The following MAN2A1 variants were observed in gnomAD, a reference collection of about 807,000 sequenced individuals.
MAN2A1 encodes the protein mannosidase alpha class 2A member 1, also known as alpha-mannosidase 2.
In MAN2A1, 76 loss-of-function variants were observed where a neutral mutation model predicts 142.6. That is an observed-to-expected ratio of 0.53 (90% CI 0.44 to 0.65). The LOEUF (loss-of-function observed/expected upper bound fraction) is 0.65, where lower values mean the gene tolerates loss of function less well. MAN2A1 is among the 30% of genes least tolerant of loss of function. The pLI, the probability that MAN2A1 is intolerant of heterozygous loss-of-function variation, is 0.00. For synonymous variants in MAN2A1, 559 were observed against 473.2 expected (o/e 1.18, Z -2.35); for missense variants, 1,311 against 1,365.1 (o/e 0.96, Z 0.62).
intron 1 of MAN2A1, among the ~76,000 whole-genome samples, chr5:109,698,056 A>G (rs1750864594): frequency 6.6e-6 from 1 of 152,216 alleles, no homozygotes; most frequent in Admixed American, 6.5e-5. Flanking sequence ...ACTAGGCAAA[A>G]TTGATCCATA....
chr5:109,804,053 A>G, intron 12 of MAN2A1: 1 of 422,632 alleles, frequency 2.4e-6, no homozygotes. Context: ...CATAAAGCTA[A>G]TTATTAACCC....
At chr5:109,747,361 A>G (rs1752435177) in intron 4 of MAN2A1, among the ~76,000 whole-genome samples, 1 of 152,144 alleles carries the variant, frequency 6.6e-6, no homozygotes, top group Admixed American at 6.6e-5. Context: ...TTTTTATGTC[A>G]TGCTTTTTTG....
At chr5:109,807,864 T>C (rs1160676166) in intron 12 of MAN2A1, among the ~76,000 whole-genome samples, 1 of 152,222 alleles carries the variant, frequency 6.6e-6, no homozygotes, top group African/African-American at 2.4e-5. Flanking sequence ...TCTTCACCTT[T>C]CCTGCCTAAG....
intron 4 of MAN2A1, among the ~76,000 whole-genome samples, chr5:109,738,335 A>C (rs866452237): frequency 6.6e-6 from 1 of 151,678 alleles, no homozygotes; most frequent in Middle Eastern, 3.4e-3. Context: ...ACTATGGGAC[A>C]GGGACTGCAA....
rs1182126103 is a variant in MAN2A1 at position 109,867,582 on chromosome 5, TCCTAC to T, written c.*588_*592del. The T allele has an allele frequency of 6.6e-6, 1 of 152,608 alleles. No homozygotes were observed. The highest frequency in any genetic ancestry group is 2.4e-5 in the African/African-American group (1 of 41,460). 9.5% of individuals were successfully genotyped at this position (152,608 alleles called of 1,614,324 possible). Reference sequence around the variant, plus strand: ...GTACCTCTTGACCTTCTCCTTCCCTTCCTACCCTTTCTAAGTATTTCCAGAAATAC... The same window carrying T: ...GTACCTCTTGACCTTCTCCTTCCCTTCCTTTCTAAGTATTTCCAGAAATAC... On this transcript the variant is annotated 3_prime_UTR_variant, in exon 22 of 22. Coordinates refer to ENST00000261483, the MANE Select transcript of MAN2A1 (RefSeq NM_002372.4).
At chr5:109,738,333 A>G (rs1752167691) in intron 4 of MAN2A1, among the ~76,000 whole-genome samples, 1 of 150,710 alleles carries the variant, frequency 6.6e-6, no homozygotes. Context: ...CTACTATGGG[A>G]CAGGGACTGC....
At chr5:109,720,242 C>T (rs975887380) in intron 3 of MAN2A1, among the ~76,000 whole-genome samples, 4 of 152,100 alleles carry the variant, frequency 2.6e-5, no homozygotes, top group Non-Finnish European at 4.4e-5. Flanking sequence ...AGAAAATAAT[C>T]CCCCTTGTGG....
chr5:109,862,062 T>C (rs1216670614), intron 20 of MAN2A1, among the ~76,000 whole-genome samples: 1 of 152,198 alleles, frequency 6.6e-6, no homozygotes, highest in African/African-American at 2.4e-5. Context: ...GTACAGGATA[T>C]GGCACACAGC....
In MAN2A1 at chr5:109,867,056, C is replaced by T. The variant is rs115083088; in HGVS notation, c.*58C>T. The T allele has an allele frequency of 1.4e-4, 193 of 1,415,904 alleles. No individual in the cohort carries two copies. In the South Asian group the frequency reaches 2.6e-3, roughly 19 times the overall value. 87.7% of individuals were successfully genotyped at this position (1,415,904 alleles called of 1,614,324 possible). ...GGCTTTTATACCTTTCTTGGTTTGA[C>T]GTGCAATAAAGAAGCACATTATTTT... On this transcript the variant is annotated 3_prime_UTR_variant, in exon 22 of 22. Coordinates refer to ENST00000261483, the MANE Select transcript of MAN2A1 (RefSeq NM_002372.4).
chr5:109,727,636 T>C (rs1751782515), intron 3 of MAN2A1, among the ~76,000 whole-genome samples: 1 of 152,220 alleles, frequency 6.6e-6, no homozygotes, highest in South Asian at 2.1e-4. Flanking sequence ...AAATTGGGTG[T>C]TCAGAATATT....
At chr5:109,763,137 T>A (rs1373195407) in intron 5 of MAN2A1, among the ~76,000 whole-genome samples, 1 of 152,240 alleles carries the variant, frequency 6.6e-6, no homozygotes, top group Non-Finnish European at 1.5e-5. Flanking sequence ...TTTTTTAAAC[T>A]GGTACATATT....
chr5:109,781,913 A>G (rs1169555820), intron 9 of MAN2A1, among the ~76,000 whole-genome samples: 2 of 152,200 alleles, frequency 1.3e-5, no homozygotes, highest in African/African-American at 4.8e-5. Flanking sequence ...ATTAATATTC[A>G]GTGACACCAT....
intron 8 of MAN2A1, among the ~76,000 whole-genome samples, chr5:109,777,770 G>A (rs1753335558): frequency 6.6e-6 from 1 of 151,910 alleles, no homozygotes; most frequent in Non-Finnish European, 1.5e-5. Context: ...GATACATTTT[G>A]GCTTATATAG....
At chr5:109,788,551 C>A (rs1348275526) in intron 10 of MAN2A1, among the ~76,000 whole-genome samples, 1 of 151,758 alleles carries the variant, frequency 6.6e-6, no homozygotes, top group East Asian at 1.9e-4. Flanking sequence ...TGTTTTTATT[C>A]ATTGTTAAAA....
At chr5:109,831,959 A>G (rs1425505180) in intron 16 of MAN2A1, among the ~76,000 whole-genome samples, 1 of 151,710 alleles carries the variant, frequency 6.6e-6, no homozygotes, top group African/African-American at 2.4e-5. Flanking sequence ...CTATTTTAAT[A>G]ATTTTATTTT....
chr5:109,785,753 CTA>C (rs1238889397), intron 10 of MAN2A1, among the ~76,000 whole-genome samples: 1 of 151,898 alleles, frequency 6.6e-6, no homozygotes, highest in Non-Finnish European at 1.5e-5. Flanking sequence ...GGAGTTTTGA[CTA>C]TTTTATTTAC....
intron 3 of MAN2A1, among the ~76,000 whole-genome samples, chr5:109,718,748 AC>A (rs1430140958): frequency 2.0e-5 from 3 of 152,126 alleles, no homozygotes; most frequent in Non-Finnish European, 4.4e-5. Flanking sequence ...TGGTCTCCTC[AC>A]TAGAATGTTA....
chr5:109,816,379 A>G (rs536279118), intron 12 of MAN2A1, among the ~76,000 whole-genome samples: 4 of 152,344 alleles, frequency 2.6e-5, no homozygotes, highest in Non-Finnish European at 5.9e-5. Context: ...GTAGTTGCAA[A>G]TATTGCCTAA....
intron 12 of MAN2A1, among the ~76,000 whole-genome samples, chr5:109,813,524 A>C (rs1181556376): frequency 6.6e-6 from 1 of 152,238 alleles, no homozygotes; most frequent in African/African-American, 2.4e-5. Context: ...AGGTTGCCCC[A>C]CAGGGGTTGC....
Sources: gnomAD v4.1 joint callset for allele counts (sites outside exome capture counted in the v4.1 genomes callset) on GRCh38, gnomAD v4.1.1 for gene constraint, MANE v1.5 for transcripts, NCBI Gene and HGNC (gene_info 2026-07-23, HGNC 2026-07-21) for gene names.